The following WDR59 variants were observed in gnomAD, a reference collection of about 807,000 sequenced individuals.
WDR59 encodes the protein GATOR2 complex protein WDR59.
In WDR59, 100 loss-of-function variants were observed where a neutral mutation model predicts 131.2. That is an observed-to-expected ratio of 0.76 (90% CI 0.65 to 0.90). WDR59 has a LOEUF of 0.90. Ranked by LOEUF, WDR59 falls within the 40% of genes least tolerant of loss-of-function variation. The pLI is 0.00. For synonymous variants in WDR59, 601 were observed against 466.2 expected, an observed-to-expected ratio of 1.29 and a Z score of -3.72; for missense variants, 1,203 against 1,262.2, an observed-to-expected ratio of 0.95 and a Z score of 0.71.
intron 2 of WDR59, among the ~76,000 whole-genome samples, chr16:74,961,048 T>C (rs2033541196): frequency 6.6e-6 from 1 of 151,964 alleles, no homozygotes; most frequent in South Asian, 2.1e-4. Flanking sequence ...CTCACGTCTA[T>C]AATCCCAGCA....
chr16:74,892,658 CTT>C, intron 19 of WDR59, 93 bp from the exon 20 acceptor site: 1 of 1,023,130 alleles, frequency 9.8e-7, no homozygotes, highest in Non-Finnish European at 1.5e-6. Context: ...GAACCTGACT[CTT>C]TGGTTATCAC....
chr16:74,899,756 T>C (rs1965460123), intron 18 of WDR59: 1 of 1,289,026 alleles, frequency 7.8e-7, no homozygotes. Flanking sequence ...AGGAGACATC[T>C]GTGCATGAAA....
chr16:74,901,488 T>A (rs2144875498), intron 18 of WDR59, among the ~76,000 whole-genome samples: 1 of 151,980 alleles, frequency 6.6e-6, no homozygotes, highest in South Asian at 2.1e-4. Context: ...TATTTGTTTT[T>A]AATTAACTGG....
At chr16:74,906,844 G>A (rs896587675) in intron 17 of WDR59, among the ~76,000 whole-genome samples, 25 of 152,174 alleles carry the variant, frequency 1.6e-4, no homozygotes, top group Admixed American at 7.9e-4. Context: ...GCTGAAGGGC[G>A]GGGAAAAGGG....
intron 8 of WDR59, among the ~76,000 whole-genome samples, chr16:74,936,985 C>T (rs1245162095): frequency 3.3e-5 from 5 of 152,144 alleles, no homozygotes; most frequent in African/African-American, 4.8e-5. Context: ...TGTAGTTTTG[C>T]TAATCATACC....
chr16:74,942,680 C>A, intron 7 of WDR59, 58 bp downstream of exon 7: 1 of 1,568,696 alleles, frequency 6.4e-7, no homozygotes, highest in South Asian at 1.1e-5. Flanking sequence ...ATAAAATCAT[C>A]TTCACACCCT....
At chr16:74,910,102 G>A (rs572586215) in intron 14 of WDR59, among the ~76,000 whole-genome samples, 185 bp from the exon 15 acceptor site, 1 of 151,854 alleles carries the variant, frequency 6.6e-6, no homozygotes, top group African/African-American at 2.4e-5. Flanking sequence ...CGAGTAGCTG[G>A]GACTACAGGC....
chr16:74,950,139 C>T (rs906274771), intron 4 of WDR59, among the ~76,000 whole-genome samples: 10 of 152,036 alleles, frequency 6.6e-5, no homozygotes, highest in African/African-American at 2.2e-4. Context: ...GTCACAAGTT[C>T]GAGACCAGCC....
intron 2 of WDR59, 151 bp downstream of exon 2, chr16:74,965,622 C>A: frequency 1.2e-6 from 1 of 854,414 alleles, no homozygotes; most frequent in South Asian, 1.7e-5. Context: ...GCAAATAATC[C>A]CTCCGAGTAG....
chr16:74,948,448 GA>G, intron 6 of WDR59, 70 bp downstream of exon 6: 2 of 1,394,920 alleles, frequency 1.4e-6, no homozygotes, highest in Non-Finnish European at 1.0e-6. Flanking sequence ...GAAGGAACGG[GA>G]AAGAACTGGA....
chr16:74,906,317 A>AAAAAAAAAAAAAAAAAAAAC (rs1269848287), intron 17 of WDR59, among the ~76,000 whole-genome samples: 2 of 144,244 alleles, frequency 1.4e-5, no homozygotes, highest in African/African-American at 2.5e-5. Context: ...CCGTCTCAAA[A>AAAAAAAAAAAAAAAAAAAAC]AAAAAAAAAC....
At chr16:74,906,313 C>CAAAAAAAAAAAAAAAAAAAAAAAAAA (rs762288713) in intron 17 of WDR59, among the ~76,000 whole-genome samples, 9 of 32,462 alleles carry the variant, frequency 2.8e-4, no homozygotes, top group African/African-American at 5.6e-4. Flanking sequence ...GACTCCGTCT[C>CAAAAAAAAAAAAAAAAAAAAAAAAAA]AAAAAAAAAA....
chr16:74,946,893 C>G (rs544933936), intron 6 of WDR59, among the ~76,000 whole-genome samples: 2 of 152,132 alleles, frequency 1.3e-5, no homozygotes, highest in South Asian at 2.1e-4. Context: ...AATGTGTGTT[C>G]CAATGCACCA....
At chr16:74,936,694 C>T (rs1293813400) in intron 8 of WDR59, among the ~76,000 whole-genome samples, 2 of 152,050 alleles carry the variant, frequency 1.3e-5, no homozygotes, top group Non-Finnish European at 2.9e-5. Flanking sequence ...GGCATGATGG[C>T]GTGCATCTGT....
At chr16:74,880,590 A>C (rs1262857231) in intron 25 of WDR59, among the ~76,000 whole-genome samples, 1 of 152,226 alleles carries the variant, frequency 6.6e-6, no homozygotes, top group Non-Finnish European at 1.5e-5. Context: ...CCAGCCTTGC[A>C]CAAAGTACAG....
chr16:74,941,425 G>C (rs1191191674), intron 7 of WDR59, among the ~76,000 whole-genome samples: 2 of 151,934 alleles, frequency 1.3e-5, no homozygotes, highest in Non-Finnish European at 2.9e-5. Flanking sequence ...CAGGCGTGGT[G>C]GCTCACGCCT....
At chr16:74,942,625 T>G in intron 7 of WDR59, 113 bp downstream of exon 7, 1 of 974,664 alleles carries the variant, frequency 1.0e-6, no homozygotes, top group Non-Finnish European at 1.6e-6. Context: ...TCATTTACCA[T>G]GCTGCACAGG....
At chr16:74,942,967 A>C (rs2032346838) in intron 6 of WDR59, 141 bp from the exon 7 acceptor site, 10 of 684,636 alleles carry the variant, frequency 1.5e-5, no homozygotes, top group East Asian at 2.9e-5. Context: ...CACCAACTCC[A>C]CTATTCCAGA....
rs774342265 is a variant in WDR59, at chr16:74,909,619, G to A, written c.1524C>T (p.Leu508=). The A allele has an allele frequency of 1.3e-6, 2 of 1,596,788 alleles. No individual in the cohort carries two copies. The highest frequency in any genetic ancestry group is 1.7e-6 in the Non-Finnish European group (2 of 1,173,488). ...EDSASSNPFA[L]PNSVTPPLPT... is the part of the protein sequence containing the mutation. ...GTAAGGGGGGAGTGACAGAGTTGGG[G>A]AGTGCAAACGGGTTGCTGGAAGCGC... The change falls in exon 16 of 26, where the codon CTC becomes CTT. Residue 508 remains leucine, a synonymous_variant. Transcript: ENST00000262144.
Sources: gnomAD v4.1 joint callset for allele counts (sites outside exome capture counted in the v4.1 genomes callset) on GRCh38, gnomAD v4.1.1 for gene constraint, MANE v1.5 for transcripts, NCBI Gene and HGNC (gene_info 2026-07-23, HGNC 2026-07-21) for gene names.